The following FBN2 variants were observed in gnomAD, a reference collection of about 807,000 sequenced individuals.
The protein encoded by FBN2 is fibrillin 2.
FBN2 carries 105 observed loss-of-function variants against 355.6 expected under a neutral mutation model. The observed-to-expected ratio is 0.30, with a 90% confidence interval of 0.25 to 0.35. The LOEUF (loss-of-function observed/expected upper bound fraction) is 0.35. Ranked by LOEUF, FBN2 falls within the 10% of genes least tolerant of loss-of-function variation. FBN2 has a pLI of 1.00. For synonymous variants in FBN2, 1,350 were observed against 1,301.2 expected (o/e 1.04, Z -0.81); for missense variants, 3,280 against 3,758.7 (o/e 0.87, Z 3.33).
intron 4 of FBN2, among the ~76,000 whole-genome samples, chr5:128,525,381 C>T (rs13181926): frequency 0.19 from 28,537 of 152,042 alleles, 2,782 homozygotes; most frequent in Non-Finnish European, 0.22. Flanking sequence ...ATACTGTGTT[C>T]GTGATAGACT....
intron 8 of FBN2, among the ~76,000 whole-genome samples, chr5:128,402,910 A>G (rs1487533210): frequency 6.6e-6 from 1 of 152,244 alleles, no homozygotes; most frequent in Non-Finnish European, 1.5e-5. Flanking sequence ...AAAAGGAACC[A>G]CTGTGGATCC....
rs767086227 is a variant in FBN2 at position 128,464,779 on chromosome 5, C to T, written c.771G>A (p.Gln257=). 1 of 1,614,182 alleles carries T rather than the reference C, an allele frequency of 6.2e-7. No homozygotes were observed. Among genetic ancestry groups the T allele is most frequent in the Admixed American group, 1.7e-5 (1 of 60,026 alleles). ...WGHPCEMCPA[Q]PQPCRRGFIP... is the part of the protein sequence containing the mutation. ...TGAAACCCCGTCGGCAGGGCTGAGG[C>T]TGGGCTGGACACATCTCACAGGGAT... Residue 257 remains glutamine (Q), a synonymous_variant, in exon 6 of 65, where the codon CAG becomes CAA. Transcript: ENST00000262464.
intron 5 of FBN2, among the ~76,000 whole-genome samples, chr5:128,467,329 T>A (rs1439115457): frequency 3.3e-5 from 5 of 152,202 alleles, no homozygotes; most frequent in Non-Finnish European, 7.4e-5. Flanking sequence ...ATTTTACTCC[T>A]TACAAAATAT....
chr5:128,467,837 T>A (rs552325894), intron 5 of FBN2, among the ~76,000 whole-genome samples: 2 of 152,314 alleles, frequency 1.3e-5, no homozygotes, highest in South Asian at 4.1e-4. Context: ...AATATCTAAG[T>A]GCAACATGGC....
chr5:128,494,648 G>C (rs751052634), intron 5 of FBN2, among the ~76,000 whole-genome samples: 2 of 152,152 alleles, frequency 1.3e-5, no homozygotes, highest in Non-Finnish European at 1.5e-5. Flanking sequence ...CAGTAAAAGA[G>C]AGCACTGTTA....
intron 53 of FBN2, 130 bp from the exon 54 acceptor site, chr5:128,287,560 G>A (rs114619122): frequency 3.0e-4 from 275 of 911,450 alleles, no homozygotes; most frequent in Non-Finnish European, 4.3e-4. Flanking sequence ...CATCTGGTAC[G>A]CAGAATTTAG....
intron 5 of FBN2, among the ~76,000 whole-genome samples, chr5:128,494,206 G>A (rs139127989): frequency 1.6e-3 from 246 of 152,270 alleles, no homozygotes; most frequent in African/African-American, 5.5e-3. Context: ...GAGTGGCTCA[G>A]AGATTTTACC....
At chr5:128,309,546 T>A in intron 40 of FBN2, 147 bp from the exon 41 acceptor site, 1 of 664,430 alleles carries the variant, frequency 1.5e-6, no homozygotes, top group East Asian at 2.7e-5. Flanking sequence ...AAATAACTCC[T>A]TAAACATAAA....
chr5:128,447,245 G>C (rs535865580), intron 6 of FBN2, among the ~76,000 whole-genome samples: 1 of 152,308 alleles, frequency 6.6e-6, no homozygotes, highest in South Asian at 2.1e-4. Flanking sequence ...TAACCATTAG[G>C]TCTGGCTGCC....
At position 128,334,817 on chromosome 5, in the gene FBN2, T is replaced by C. The variant is rs1012848341; in HGVS notation, c.4001A>G (p.Asn1334Ser). Residue 1334 changes from asparagine to serine, a missense_variant, in exon 31 of 65, where the codon AAT (asparagine) becomes AGT (serine). Around this residue, in one of 6 missense-constraint regions of FBN2, gnomAD observed 2,284 missense variants for 2,749.5 expected, o/e 0.83. Transcript: ENST00000262464. ...IDVNECDLNS[N>S]ICMFGECENT... is the part of the protein sequence containing the mutation. ...CTCACATTCCCCAAACATGCAGATA[T>C]TTGAATTTAGGTCACATTCATTGAC... The C allele has an allele frequency of 1.1e-5, 18 of 1,612,750 alleles. No homozygotes were observed. The highest frequency in any genetic ancestry group is 1.6e-4 in the Middle Eastern group (1 of 6,084).
chr5:128,528,176 G>A (rs1413414119), intron 3 of FBN2, among the ~76,000 whole-genome samples: 7 of 152,080 alleles, frequency 4.6e-5, no homozygotes, highest in Admixed American at 2.6e-4. Flanking sequence ...TTTTCAGGAT[G>A]CATTGAAAAC....
In FBN2 at chr5:128,536,217, T is replaced by C. The variant is rs76039082; in HGVS notation, c.337+185A>G. 0.023 allele frequency among the ~76,000 whole-genome samples: 3,450 copies of C among 152,306 alleles called. 353 individuals are homozygous for C. The East Asian group carries it at 0.36, about 16-fold the overall frequency. On this transcript the variant is annotated intron_variant, in intron 2 of 64. Transcript: ENST00000262464. The stretch of plus-strand genomic sequence containing the variant: ...CCTTCAACAGAGTCTAGAAGTGAAG[T>C]CTGAACTGACTCAAACCGGTTGAGT...
rs550201655 is a variant in FBN2, at chr5:128,264,109, A to G, written c.7961-453T>C. The stretch of plus-strand genomic sequence containing the variant: ...ATGAGAATGTTCGGAAACTGGTAGT[A>G]TTGATGACTGCATACCTTTGTGAGA... On this transcript the variant is annotated intron_variant, in intron 62 of 64. Transcript: ENST00000262464. 2.8e-4 allele frequency among the ~76,000 whole-genome samples: 42 copies of G among 152,278 alleles called. No homozygotes were observed. The East Asian group carries it at 6.6e-3, about 24-fold the overall frequency.
chr5:128,414,030 T>C (rs1361396877), intron 7 of FBN2, among the ~76,000 whole-genome samples: 1 of 152,174 alleles, frequency 6.6e-6, no homozygotes, highest in Non-Finnish European at 1.5e-5. Flanking sequence ...TATTACAAAT[T>C]GCAATGGAAA....
chr5:128,507,656 T>G (rs1317450862), intron 5 of FBN2, among the ~76,000 whole-genome samples: 1 of 152,074 alleles, frequency 6.6e-6, no homozygotes, highest in Non-Finnish European at 1.5e-5. Context: ...TTACCTTATT[T>G]TTGCTTTTGA....
chr5:128,396,549 C>T (rs1217065368), intron 8 of FBN2, among the ~76,000 whole-genome samples: 1 of 152,144 alleles, frequency 6.6e-6, no homozygotes, highest in Non-Finnish European at 1.5e-5. Context: ...GTGACATGAT[C>T]AAATATGACT....
chr5:128,287,045 T>C (rs1180458159), intron 54 of FBN2, among the ~76,000 whole-genome samples, 196 bp from the exon 55 acceptor site: 1 of 152,136 alleles, frequency 6.6e-6, no homozygotes, highest in Non-Finnish European at 1.5e-5. Flanking sequence ...ATAAGAAGTT[T>C]AGGGAAGGGC....
At chr5:128,422,617 G>A (rs1166446831) in intron 7 of FBN2, among the ~76,000 whole-genome samples, 1 of 152,202 alleles carries the variant, frequency 6.6e-6, no homozygotes, top group Non-Finnish European at 1.5e-5. Context: ...AATGTGCAGA[G>A]CTGGAACATT....
chr5:128,462,090 G>T (rs995309719), intron 6 of FBN2, among the ~76,000 whole-genome samples: 1 of 151,980 alleles, frequency 6.6e-6, no homozygotes, highest in Admixed American at 6.6e-5. Context: ...TACTACAAGG[G>T]CATGTTTCAT....
Sources: allele counts gnomAD v4.1 joint callset (sites outside exome capture counted in the v4.1 genomes callset), GRCh38; gene constraint gnomAD v4.1.1; regional missense constraint gnomAD v4.1.1; transcripts MANE v1.5; gene names NCBI Gene and HGNC (gene_info 2026-07-23, HGNC 2026-07-21).